Variants in XRCC4 observed in about 807,000 individuals in gnomAD.
XRCC4 encodes the protein X-ray repair cross complementing 4, also known as DNA repair protein XRCC4.
In XRCC4, 28 loss-of-function variants were observed where a neutral mutation model predicts 39.1. The observed-to-expected ratio is 0.72, with a 90% confidence interval of 0.53 to 0.98. The LOEUF is 0.98. Among genes scored for constraint, XRCC4 ranks in the 50% least tolerant of loss-of-function variants. The pLI is 0.00. For missense variants in XRCC4, 350 were observed against 376.4 expected, an observed-to-expected ratio of 0.93 and a Z score of 0.58; for synonymous variants, 123 against 126.4, an observed-to-expected ratio of 0.97 and a Z score of 0.18.
chr5:83,144,173 C>G (rs553978155), intron 3 of XRCC4, among the ~76,000 whole-genome samples: 8 of 151,976 alleles, frequency 5.3e-5, no homozygotes, highest in Non-Finnish European at 1.0e-4. Context: ...TTTCCATTCC[C>G]AAGTTACTTC....
chr5:83,348,465 C>T (rs1756985038), intron 7 of XRCC4, among the ~76,000 whole-genome samples: 2 of 152,246 alleles, frequency 1.3e-5, no homozygotes, highest in African/African-American at 4.8e-5. Flanking sequence ...CCCTCTGAAG[C>T]AATGGCCCAA....
At chr5:83,196,645 A>AAT (rs1049647546) in intron 4 of XRCC4, among the ~76,000 whole-genome samples, 4 of 151,760 alleles carry the variant, frequency 2.6e-5, no homozygotes, top group African/African-American at 7.2e-5. Context: ...CCTCACTTAT[A>AAT]ATATATATAT....
intron 7 of XRCC4, among the ~76,000 whole-genome samples, chr5:83,321,752 T>C (rs181065286): frequency 4.0e-4 from 61 of 152,152 alleles, no homozygotes; most frequent in Non-Finnish European, 6.6e-4. Context: ...GGAATACAGA[T>C]AAGATCATAA....
At chr5:83,364,779 A>T in the XRCC4 span, among the ~76,000 whole-genome samples, 1 of 152,204 alleles carries the variant, frequency 6.6e-6, no homozygotes, top group Non-Finnish European at 1.5e-5. Context: ...TTTTCAACAC[A>T]TGGTTCCAAT....
chr5:83,325,849 G>T (rs1756241433), intron 7 of XRCC4, among the ~76,000 whole-genome samples: 1 of 152,006 alleles, frequency 6.6e-6, no homozygotes, highest in Admixed American at 6.6e-5. Context: ...GGGTCCGATG[G>T]TATTTCCGGT....
chr5:83,236,671 A>T (rs770750733), intron 6 of XRCC4, among the ~76,000 whole-genome samples: 3 of 152,132 alleles, frequency 2.0e-5, no homozygotes, highest in Non-Finnish European at 4.4e-5. Flanking sequence ...TATTTGCATA[A>T]GACCTCAAAA....
chr5:83,125,189 T>C (rs1181406379), intron 3 of XRCC4, among the ~76,000 whole-genome samples: 1 of 152,224 alleles, frequency 6.6e-6, no homozygotes, highest in Non-Finnish European at 1.5e-5. Flanking sequence ...TTATTTTTGT[T>C]GTATGTGTAA....
intron 7 of XRCC4, among the ~76,000 whole-genome samples, chr5:83,339,143 A>G (rs773767453): frequency 3.2e-4 from 48 of 152,160 alleles, no homozygotes; most frequent in Admixed American, 1.3e-3. Context: ...TTTACTTTAC[A>G]GTTTGGTTAT....
chr5:83,279,382 A>C (rs990170228), intron 7 of XRCC4, among the ~76,000 whole-genome samples: 3 of 152,154 alleles, frequency 2.0e-5, no homozygotes, highest in Non-Finnish European at 4.4e-5. Context: ...TCTGGGAGCT[A>C]ACCGCACTAT....
intron 7 of XRCC4, among the ~76,000 whole-genome samples, chr5:83,342,806 A>G (rs866825219): frequency 6.6e-6 from 1 of 152,118 alleles, no homozygotes; most frequent in South Asian, 2.1e-4. Flanking sequence ...AATTTTTTTT[A>G]ATACTAACAT....
At chr5:83,225,632 G>A (rs1374227563) in intron 6 of XRCC4, among the ~76,000 whole-genome samples, 1 of 149,530 alleles carries the variant, frequency 6.7e-6, no homozygotes, top group Non-Finnish European at 1.5e-5. Context: ...AAAAAGGATA[G>A]GCCTGGATTT....
At chr5:83,313,988 G>T (rs1228563869) in intron 7 of XRCC4, among the ~76,000 whole-genome samples, 3 of 151,902 alleles carry the variant, frequency 2.0e-5, no homozygotes, top group Admixed American at 6.6e-5. Flanking sequence ...TAGACATCTT[G>T]TGTCCAACCA....
intron 3 of XRCC4, among the ~76,000 whole-genome samples, chr5:83,178,065 G>A (rs979698483): frequency 6.6e-6 from 1 of 151,954 alleles, no homozygotes; most frequent in Non-Finnish European, 1.5e-5. Flanking sequence ...GACAGAAACT[G>A]GTGACTAAAT....
intron 3 of XRCC4, among the ~76,000 whole-genome samples, chr5:83,133,964 G>A (rs971471032): frequency 1.3e-5 from 2 of 152,190 alleles, no homozygotes; most frequent in African/African-American, 4.8e-5. Flanking sequence ...AGGCGCTGGC[G>A]GGAGTTGGGG....
chr5:83,302,934 C>T (rs147021617), intron 7 of XRCC4, among the ~76,000 whole-genome samples: 192 of 152,210 alleles, frequency 1.3e-3, no homozygotes, highest in African/African-American at 4.3e-3. Flanking sequence ...GATGTCAGGC[C>T]GGGCGCAGTG....
chr5:83,230,465 G>A (rs1422246603), intron 6 of XRCC4, among the ~76,000 whole-genome samples: 4 of 151,926 alleles, frequency 2.6e-5, no homozygotes, highest in African/African-American at 9.7e-5. Context: ...GAAGTATTAT[G>A]TAGTTATCAT....
intron 1 of XRCC4, among the ~76,000 whole-genome samples, chr5:83,100,985 T>A (rs146611608): frequency 6.6e-6 from 1 of 152,190 alleles, no homozygotes; most frequent in African/African-American, 2.4e-5. Context: ...TTTGACTAAA[T>A]GGAATATTTA....
At chr5:83,278,277 A>G (rs910118467) in intron 7 of XRCC4, among the ~76,000 whole-genome samples, 1 of 152,226 alleles carries the variant, frequency 6.6e-6, no homozygotes, top group Admixed American at 6.5e-5. Context: ...ATTAACCACA[A>G]TGCAGATGAT....
intron 7 of XRCC4, among the ~76,000 whole-genome samples, chr5:83,341,894 G>T (rs1484660700): frequency 6.6e-6 from 1 of 152,100 alleles, no homozygotes; most frequent in East Asian, 1.9e-4. Context: ...GCTAAATATT[G>T]TTCCAAGTCA....
Sources: gnomAD v4.1 joint callset for allele counts (sites outside exome capture counted in the v4.1 genomes callset) on GRCh38, gnomAD v4.1.1 for gene constraint, MANE v1.5 for transcripts, NCBI Gene and HGNC (gene_info 2026-07-23, HGNC 2026-07-21) for gene names.